The following DGKK variants were observed in gnomAD, a reference collection of about 807,000 sequenced individuals.
DGKK encodes the protein diacylglycerol kinase kappa.
In DGKK, 35 loss-of-function variants were observed where a neutral mutation model predicts 92.2. The observed-to-expected ratio is 0.38, with a 90% CI of 0.29 to 0.50. The LOEUF is 0.50. Among genes scored for constraint, DGKK ranks in the 20% least tolerant of loss-of-function variants. The probability of loss-of-function intolerance (pLI) is 0.92; values close to 1 mark genes in which losing one functional copy is unlikely to be tolerated. For missense variants in DGKK, 910 were observed against 992.2 expected, an observed-to-expected ratio of 0.92 and a Z score of 1.11; for synonymous variants, 368 against 360.6, an observed-to-expected ratio of 1.02 and a Z score of -0.23.
chrX:50,463,489 C>T (rs998653883), intron 1 of DGKK, among the ~76,000 whole-genome samples: 13 of 103,382 alleles, frequency 1.3e-4, no homozygotes, highest in African/African-American at 3.9e-4. Context: ...TCTACCTGTC[C>T]GGCTTTCCCC....
intron 8 of DGKK, among the ~76,000 whole-genome samples, chrX:50,394,308 A>G (rs1602275364): frequency 9.0e-6 from 1 of 111,716 alleles, no homozygotes. Context: ...AAGGAAATCT[A>G]CTTGAGCAGA....
Position 50,420,456 on chromosome X carries a change from T to C in DGKK, c.889A>G (p.Met297Val). 2 of 1,211,106 alleles carry C rather than the reference T, an allele frequency of 1.7e-6. No individual in the cohort carries two copies. Among genetic ancestry groups the C allele is most frequent in the Non-Finnish European group, 2.2e-6 (2 of 894,949 alleles). Residue 297 changes from methionine to valine, a missense_variant, in exon 4 of 28, where the codon ATG becomes GTG. By Grantham distance (21) the Met-to-Val change is conservative (BLOSUM62 1). Coordinates refer to ENST00000611977, the MANE Select transcript of DGKK (RefSeq NM_001013742.4). ...ITLAAPNRKD[M>V]EEWINIIKTI... ...TTTATGATGTTAATCCATTCTTCCA[T>C]GTCTTTCCGGTTGGGTGCAGCCAGA...
intron 6 of DGKK, 36 bp downstream of exon 6, chrX:50,403,455 A>C: frequency 8.8e-7 from 1 of 1,141,809 alleles, no homozygotes. Context: ...GGGACATGGG[A>C]GAGGCCGACT....
At chrX:50,376,001 T>G (rs1557223775) in intron 24 of DGKK, 23 bp downstream of exon 24, 1 of 1,203,616 alleles carries the variant, frequency 8.3e-7, no homozygotes, top group Non-Finnish European at 1.1e-6. Context: ...ACTCCTTTCC[T>G]TAATTCACTC....
In DGKK at chrX:50,384,247, A is replaced by G; in HGVS notation, c.2470T>C (p.Leu824=). Residue 824 remains leucine, a synonymous_variant, in exon 17 of 28, where the codon TTG becomes CTG. Coordinates refer to ENST00000611977, the MANE Select transcript of DGKK (RefSeq NM_001013742.4). ...SPRRRSRRGT[L]SSISSLKSED... Reference sequence around the variant, plus strand: ...CTTTTGAGAGAAGATATAGAAGACAAAGTGCCACGACGAGAACCTAGACAC... The same window carrying G: ...CTTTTGAGAGAAGATATAGAAGACAGAGTGCCACGACGAGAACCTAGACAC... The G allele has an allele frequency of 8.5e-7, 1 of 1,172,012 alleles. No homozygotes were observed. The highest frequency in any genetic ancestry group is 1.1e-6 in the Non-Finnish European group (1 of 872,215).
chrX:50,397,230 A>T (rs947030918), intron 8 of DGKK, among the ~76,000 whole-genome samples: 5 of 112,107 alleles, frequency 4.5e-5, no homozygotes, highest in Non-Finnish European at 9.4e-5. Flanking sequence ...TTTGAGCTGC[A>T]TTAATATAAC....
At chrX:50,454,836 T>C (rs969121843) in intron 1 of DGKK, among the ~76,000 whole-genome samples, 1 of 111,897 alleles carries the variant, frequency 8.9e-6, no homozygotes, top group African/African-American at 3.2e-5. Context: ...CTTTGGCAGT[T>C]CAAGTTTTAT....
In DGKK at chrX:50,464,572, C is replaced by T. The variant is rs191878312; in HGVS notation, c.645+5462G>A. 4.1e-3 allele frequency among the ~76,000 whole-genome samples: 453 copies of T among 109,185 alleles called. 3 individuals carry two copies. Among genetic ancestry groups the T allele is most frequent in the African/African-American group, 0.014 (429 of 30,036 alleles). 94.8% of individuals were successfully genotyped at this position (109,185 alleles called of 115,157 possible). On this transcript the variant is annotated intron_variant, in intron 1 of 27. Coordinates refer to ENST00000611977, the MANE Select transcript of DGKK (RefSeq NM_001013742.4). ...AAGATTTCCTTTTTTTGTTTGTTTT[C>T]CTTAATTTCTTTTTTTTTAATTGAA...
chrX:50,466,571 T>G (rs1557233999), intron 1 of DGKK, among the ~76,000 whole-genome samples: 1 of 111,897 alleles, frequency 8.9e-6, no homozygotes, highest in Non-Finnish European at 1.9e-5. Context: ...GCCATTTAAA[T>G]AAGTATTTAC....
At chrX:50,470,011 G>A in intron 1 of DGKK, 23 bp downstream of exon 1, 3 of 1,165,510 alleles carry the variant, frequency 2.6e-6, no homozygotes, top group Non-Finnish European at 3.4e-6. Flanking sequence ...TCTTTTCCCC[G>A]CTTCAGGGGG....
chrX:50,447,601 T>C (rs1557232127), intron 1 of DGKK, among the ~76,000 whole-genome samples: 1 of 102,053 alleles, frequency 9.8e-6, no homozygotes, highest in African/African-American at 3.5e-5. Flanking sequence ...GCTTACATTG[T>C]CAAACACTGA....
At position 50,470,414 on chromosome X, in the gene DGKK, G is replaced by T; in HGVS notation, c.265C>A (p.Pro89Thr). The T allele has an allele frequency of 3.3e-6, 4 of 1,208,690 alleles. No homozygotes were observed. The highest frequency in any genetic ancestry group is 4.5e-6 in the Non-Finnish European group (4 of 892,229). ...GGTTCTGGGGCCGGTTCTGAGGCCGGCTCTGTGGCTGGTTCTGGGGTCGGT... is the reference window on the plus strand; with the variant it reads ...GGTTCTGGGGCCGGTTCTGAGGCCGTCTCTGTGGCTGGTTCTGGGGTCGGT... ...TEPTPEPATE[P>T]ASEPAPEPAT... The change falls in exon 1 of 28, where the codon CCG becomes ACG. Residue 89 changes from proline to threonine, a missense_variant. Transcript: ENST00000611977.
chrX:50,401,981 T>C (rs1319183946), intron 7 of DGKK, among the ~76,000 whole-genome samples: 2 of 111,459 alleles, frequency 1.8e-5, no homozygotes, highest in Non-Finnish European at 3.8e-5. Context: ...ACCCACTCCA[T>C]GTCAGTAGCG....
intron 25 of DGKK, among the ~76,000 whole-genome samples, chrX:50,372,702 A>G (rs1924172853): frequency 8.9e-6 from 1 of 112,125 alleles, no homozygotes; most frequent in African/African-American, 3.2e-5. Context: ...CTTAAAATGG[A>G]TTCTTTTGGG....
chrX:50,370,108 A>T (rs1924081137), intron 27 of DGKK, among the ~76,000 whole-genome samples: 1 of 112,334 alleles, frequency 8.9e-6, no homozygotes, highest in Non-Finnish European at 1.9e-5. Flanking sequence ...CAGGAACAAA[A>T]GTGTTTAGAT....
chrX:50,412,693 C>T (rs1431170732), intron 4 of DGKK, among the ~76,000 whole-genome samples: 2 of 112,516 alleles, frequency 1.8e-5, no homozygotes, highest in Non-Finnish European at 3.7e-5. Flanking sequence ...TAAACCCATG[C>T]ATTTACAGTT....
chrX:50,391,416 C>T (rs1557225518), intron 11 of DGKK, 21 bp downstream of exon 11: 3 of 1,208,387 alleles, frequency 2.5e-6, no homozygotes, highest in Non-Finnish European at 3.4e-6. Context: ...GGCACAAGGG[C>T]CTGGTCTTTC....
intron 1 of DGKK, among the ~76,000 whole-genome samples, chrX:50,430,518 G>A (rs1414739301): frequency 1.8e-5 from 2 of 111,554 alleles, no homozygotes; most frequent in African/African-American, 3.3e-5. Context: ...CTATTGTCCC[G>A]AATTCAATCA....
At position 50,384,299 on chromosome X, in the gene DGKK, C is replaced by T. The variant is rs782798300; in HGVS notation, c.2453-35G>A. The T allele has an allele frequency of 1.1e-5, 11 of 1,016,408 alleles. No individual in the cohort carries two copies. The South Asian group carries it at 2.2e-4, about 21-fold the overall frequency. The allele number at this position is 1,016,408 out of a possible 1,213,427, so 83.8% of individuals were successfully genotyped here. On this transcript the variant is annotated intron_variant, in intron 16 of 27. Transcript: ENST00000611977. ...AAAGACATCACTTGGGTGACGGATA[C>T]AAACAAAAAAGCCCTTTCCCCTCAC...
Sources: gnomAD v4.1 joint callset for allele counts (sites outside exome capture counted in the v4.1 genomes callset) on GRCh38, gnomAD v4.1.1 for gene constraint, MANE v1.5 for transcripts, NCBI Gene and HGNC (gene_info 2026-07-23, HGNC 2026-07-21) for gene names.